The following DNAH6 variants were observed in gnomAD, a reference collection of about 807,000 sequenced individuals.
The protein encoded by DNAH6 is dynein axonemal heavy chain 6.
DNAH6 carries 340 observed loss-of-function variants against 491.4 expected under a neutral mutation model. That is an observed-to-expected ratio of 0.69 (90% confidence interval 0.63 to 0.76). DNAH6 has a LOEUF of 0.76. DNAH6 is among the 30% of genes least tolerant of loss of function. DNAH6 has a pLI of 0.00. For synonymous variants in DNAH6, 1,603 were observed against 1,686.1 expected (o/e 0.95, Z 1.21); for missense variants, 4,443 against 4,972.2 (o/e 0.89, Z 3.20).
At chr2:84,772,906 A>G (rs923823741) in intron 64 of DNAH6, among the ~76,000 whole-genome samples, 2 of 152,100 alleles carry the variant, frequency 1.3e-5, no homozygotes, top group Admixed American at 6.5e-5. Flanking sequence ...CCACAAAACA[A>G]GTCTCAATAA....
chr2:84,574,419 C>A (rs1473588623), intron 12 of DNAH6, among the ~76,000 whole-genome samples: 1 of 152,140 alleles, frequency 6.6e-6, no homozygotes, highest in African/African-American at 2.4e-5. Flanking sequence ...AATAGCAATT[C>A]CTTAATATCT....
intron 7 of DNAH6, 46 bp from the exon 8 acceptor site, chr2:84,548,242 A>G (rs761804506): frequency 5.2e-6 from 8 of 1,541,180 alleles, no homozygotes; most frequent in Non-Finnish European, 7.0e-6. Context: ...AAGAGATGGA[A>G]CTTTTACACA....
intron 64 of DNAH6, among the ~76,000 whole-genome samples, chr2:84,763,985 T>C (rs1345803176): frequency 6.6e-6 from 1 of 152,118 alleles, no homozygotes; most frequent in South Asian, 2.1e-4. Context: ...GCAGGAGAAG[T>C]TCTCTCTTAT....
intron 61 of DNAH6, 133 bp from the exon 62 acceptor site, chr2:84,733,311 A>T: frequency 1.4e-6 from 1 of 710,370 alleles, no homozygotes; most frequent in Non-Finnish European, 2.3e-6. Context: ...CTATTTCACC[A>T]TATTGTACTA....
At chr2:84,603,608 A>C (rs1685472730) in intron 18 of DNAH6, among the ~76,000 whole-genome samples, 1 of 152,136 alleles carries the variant, frequency 6.6e-6, no homozygotes, top group South Asian at 2.1e-4. Flanking sequence ...TCTTTTTCTC[A>C]GAATTCCTAT....
At chr2:84,723,450 C>A (rs1168691010) in intron 60 of DNAH6, among the ~76,000 whole-genome samples, 2 of 152,154 alleles carry the variant, frequency 1.3e-5, no homozygotes, top group East Asian at 3.8e-4. Flanking sequence ...AACTAGCTAG[C>A]ATGTTTGTTT....
chr2:84,731,452 G>A (rs1699106192), intron 61 of DNAH6, among the ~76,000 whole-genome samples: 1 of 152,148 alleles, frequency 6.6e-6, no homozygotes, highest in Non-Finnish European at 1.5e-5. Flanking sequence ...TTCCTCAATG[G>A]CAGAGGCAAG....
At chr2:84,526,953 A>G (rs182470830) in intron 3 of DNAH6, among the ~76,000 whole-genome samples, 2 of 152,280 alleles carry the variant, frequency 1.3e-5, no homozygotes, top group East Asian at 3.9e-4. Context: ...TTAGGTTGTG[A>G]GCTATGCTTC....
chr2:84,697,856 T>C (rs1695539203), intron 47 of DNAH6, 129 bp downstream of exon 47: 1 of 950,008 alleles, frequency 1.1e-6, no homozygotes, highest in East Asian at 2.6e-5. Flanking sequence ...GTTTCCTTTG[T>C]ATTCGATGTA....
intron 24 of DNAH6, among the ~76,000 whole-genome samples, chr2:84,620,367 T>G (rs943333183): frequency 8.5e-5 from 13 of 152,162 alleles, no homozygotes; most frequent in African/African-American, 3.1e-4. Context: ...TATTTAAGTG[T>G]TAGTTGCTGG....
intron 63 of DNAH6, among the ~76,000 whole-genome samples, chr2:84,747,561 C>T (rs903492523): frequency 2.0e-5 from 3 of 152,192 alleles, no homozygotes; most frequent in Non-Finnish European, 1.5e-5. Context: ...GTTGACTGCC[C>T]TGCTGGGTTG....
At position 84,718,241 on chromosome 2, in the gene DNAH6, C is replaced by G. The variant is rs1242679214; in HGVS notation, c.9649C>G (p.Gln3217Glu). The G allele has an allele frequency of 6.5e-7, 1 of 1,540,032 alleles. No homozygotes were observed. The highest frequency in any genetic ancestry group is 1.2e-5 in the South Asian group (1 of 80,972). Residue 3217 changes from glutamine (Q) to glutamate (E), a missense_variant, in exon 59 of 77, where the codon CAA becomes GAA. By Grantham distance (29) the Gln-to-Glu change is conservative. This residue lies in a region of DNAH6 where 1,463 missense variants were observed against 1,656.6 expected (regional missense o/e 0.88). Transcript: ENST00000389394. ...ACTTGAAAAACCCAGGTTGGAAGAA[C>G]AAAGAATTAAGCTCATCGTGAGGAT... ...VRLEKPRLEE[Q>E]RIKLIVRINT... is the part of the protein sequence containing the mutation.
At chr2:84,729,039 T>C (rs1255712870) in intron 61 of DNAH6, among the ~76,000 whole-genome samples, 2 of 152,108 alleles carry the variant, frequency 1.3e-5, no homozygotes, top group Admixed American at 6.6e-5. Context: ...CAGCACCCCA[T>C]GTTCCCAGAA....
chr2:84,520,345 CA>C (rs1367351905), intron 2 of DNAH6, among the ~76,000 whole-genome samples: 1 of 152,048 alleles, frequency 6.6e-6, no homozygotes, highest in Admixed American at 6.6e-5. Flanking sequence ...TAATCTCTTC[CA>C]ACTTTTTGTT....
chr2:84,801,892 A>G (rs530725308), intron 70 of DNAH6, among the ~76,000 whole-genome samples: 13 of 151,812 alleles, frequency 8.6e-5, no homozygotes, highest in African/African-American at 2.7e-4. Flanking sequence ...AAAAAAAAAA[A>G]GAAAAGAAAA....
rs1247914239 is a variant in DNAH6 at position 84,653,616 on chromosome 2, C to T, written c.5376C>T (p.Asn1792=). Residue 1792 remains asparagine (N), a synonymous_variant, in exon 34 of 77, where the codon AAC becomes AAT. Transcript: ENST00000389394. ...AAGCAGTTAAAACATATGTTCTCAA[C>T]CCTAAATCAATTACCATGGGTGAAT... ...FYQAVKTYVL[N]PKSITMGELY... The T allele has an allele frequency of 1.2e-5, 19 of 1,551,212 alleles. No homozygotes were observed. The highest frequency in any genetic ancestry group is 1.5e-5 in the Non-Finnish European group (17 of 1,146,708).
intron 61 of DNAH6, among the ~76,000 whole-genome samples, chr2:84,732,330 G>T (rs995150217): frequency 2.0e-4 from 30 of 151,990 alleles, no homozygotes; most frequent in African/African-American, 7.0e-4. Context: ...CAAAAAGCTG[G>T]ACACAAATAT....
chr2:84,529,798 G>A (rs1039719959), intron 4 of DNAH6, among the ~76,000 whole-genome samples: 1 of 152,150 alleles, frequency 6.6e-6, no homozygotes, highest in Admixed American at 6.6e-5. Context: ...TTTCTTGATG[G>A]TGATAATAGT....
At chr2:84,795,758 AAG>A (rs1678283371) in intron 68 of DNAH6, among the ~76,000 whole-genome samples, 2 of 152,244 alleles carry the variant, frequency 1.3e-5, no homozygotes, top group African/African-American at 4.8e-5. Context: ...TCTCTGTGGA[AAG>A]AGAGATGGGA....
Sources: gnomAD v4.1 joint callset for allele counts (sites outside exome capture counted in the v4.1 genomes callset) on GRCh38, gnomAD v4.1.1 for gene constraint, gnomAD v4.1.1 regional missense constraint, MANE v1.5 for transcripts, NCBI Gene and HGNC (gene_info 2026-07-23, HGNC 2026-07-21) for gene names.